Variants in CNOT6L observed in about 807,000 individuals in gnomAD.
CNOT6L encodes the protein CCR4-NOT transcription complex subunit 6-like.
A neutral mutation model predicts 64.0 loss-of-function variants in CNOT6L; 7 were observed. That is an observed-to-expected ratio of 0.11 (90% CI 0.06 to 0.21). CNOT6L has a LOEUF of 0.21. Among genes scored for constraint, CNOT6L ranks in the 10% least tolerant of loss-of-function variants. The pLI is 1.00. For missense variants in CNOT6L, 245 were observed against 669.0 expected (o/e 0.37, Z 6.99); for synonymous variants, 193 against 243.4 (o/e 0.79, Z 1.93).
chr4:77,802,031 A>G (rs1731641881), intron 1 of CNOT6L, among the ~76,000 whole-genome samples: 1 of 152,228 alleles, frequency 6.6e-6, no homozygotes, highest in African/African-American at 2.4e-5. Context: ...AAAGAAATAT[A>G]ACAGTTTATA....
chr4:77,752,440 T>G (rs1724960604), intron 5 of CNOT6L, among the ~76,000 whole-genome samples: 1 of 152,282 alleles, frequency 6.6e-6, no homozygotes, highest in African/African-American at 2.4e-5. Context: ...AGAAGAGACA[T>G]TCTTCTCAAG....
At chr4:77,819,250 G>C (rs1734017651) in intron 1 of CNOT6L, 54 bp downstream of exon 1, 2 of 1,612,944 alleles carry the variant, frequency 1.2e-6, no homozygotes, top group Non-Finnish European at 1.7e-6. Flanking sequence ...CCCCGGGGAC[G>C]CGCTCCTCTT....
chr4:77,778,487 C>T (rs1728405871), intron 1 of CNOT6L, among the ~76,000 whole-genome samples: 2 of 151,972 alleles, frequency 1.3e-5, no homozygotes, highest in South Asian at 4.2e-4. Context: ...CTCACTGCAA[C>T]CTCTGCCTCC....
intron 1 of CNOT6L, among the ~76,000 whole-genome samples, chr4:77,784,876 C>G (rs1164618335): frequency 6.6e-6 from 1 of 152,166 alleles, no homozygotes; most frequent in African/African-American, 2.4e-5. Flanking sequence ...TCCTTTTCAT[C>G]ATTCTTGGCT....
chr4:77,721,583 A>G (rs1577913919), intron 11 of CNOT6L, among the ~76,000 whole-genome samples: 1 of 152,334 alleles, frequency 6.6e-6, no homozygotes, highest in East Asian at 1.9e-4. Context: ...CTTTTAATGA[A>G]AACAAATTTT....
chr4:77,763,166 C>A (rs923629596), intron 4 of CNOT6L, among the ~76,000 whole-genome samples: 5 of 151,850 alleles, frequency 3.3e-5, no homozygotes, highest in African/African-American at 7.3e-5. Context: ...ACAGCAATAA[C>A]AAAAATACCA....
At chr4:77,726,117 A>C (rs764598455) in intron 11 of CNOT6L, 50 bp downstream of exon 11, 17 of 1,490,094 alleles carry the variant, frequency 1.1e-5, no homozygotes, top group Non-Finnish European at 1.5e-5. Context: ...TTTTTGTTAC[A>C]TGCTTGTATC....
intron 1 of CNOT6L, among the ~76,000 whole-genome samples, chr4:77,784,685 A>G (rs980674531): frequency 6.6e-6 from 1 of 151,940 alleles, no homozygotes; most frequent in Non-Finnish European, 1.5e-5. Flanking sequence ...GGGTTTCACC[A>G]TGTTGCCCAG....
chr4:77,801,629 T>C (rs747595446), intron 1 of CNOT6L, among the ~76,000 whole-genome samples: 2 of 147,576 alleles, frequency 1.4e-5, no homozygotes, highest in Non-Finnish European at 3.0e-5. Context: ...GAGGAATATT[T>C]ATTTTTCTTA....
chr4:77,730,704 T>C (rs956449855), intron 9 of CNOT6L, among the ~76,000 whole-genome samples: 1 of 151,984 alleles, frequency 6.6e-6, no homozygotes, highest in Non-Finnish European at 1.5e-5. Context: ...TCTGAATAAT[T>C]CAAATCAATA....
At position 77,781,493 on chromosome 4, in the gene CNOT6L, A is replaced by G. The variant is rs574043229; in HGVS notation, c.6-5101T>C. 1.4e-3 allele frequency among the ~76,000 whole-genome samples: 207 copies of G among 152,324 alleles called. 1 individual carries two copies. The highest frequency in any genetic ancestry group is 0.01 in the Middle Eastern group (3 of 294). The stretch of plus-strand genomic sequence containing the variant: ...AAATTTAGAGTTTCCAAAACTGCAA[A>G]TAAATCTACGTAACATGCTATTTCA... On this transcript the variant is annotated intron_variant, in intron 1 of 11. Coordinates refer to ENST00000504123, the MANE Select transcript of CNOT6L (RefSeq NM_144571.3).
Position 77,713,390 on chromosome 4 carries a change from A to C in CNOT6L, c.*7041T>G, listed in dbSNP as rs1720400381. 6.6e-6 allele frequency: 1 copy of C among 152,636 alleles called. No individual in the cohort carries two copies. The highest frequency in any genetic ancestry group is 2.1e-4 in the South Asian group (1 of 4,832). The allele number at this position is 152,636 out of a possible 1,614,324, so 9.5% of individuals were successfully genotyped here. A position where few individuals can be genotyped will look rare whatever the true frequency, so the allele number is the denominator to read the frequency against. ...GTCAAAAACCAAGACAAAGGTATGCAGTTGCAAAATGGCCATTTATTGCCT... is the reference window on the plus strand; with the variant it reads ...GTCAAAAACCAAGACAAAGGTATGCCGTTGCAAAATGGCCATTTATTGCCT... On this transcript the variant is annotated 3_prime_UTR_variant, in exon 12 of 12. Transcript: ENST00000504123.
chr4:77,732,669 C>A (rs1015106837), intron 8 of CNOT6L, among the ~76,000 whole-genome samples: 1 of 152,002 alleles, frequency 6.6e-6, no homozygotes, highest in African/African-American at 2.4e-5. Context: ...ATAGTTTCTA[C>A]CCTCTAAAGA....
At chr4:77,794,150 CAAA>C (rs10649868) in intron 1 of CNOT6L, among the ~76,000 whole-genome samples, 1 of 52,024 alleles carries the variant, frequency 1.9e-5, no homozygotes, top group Non-Finnish European at 2.9e-5. Flanking sequence ...GACTCTGTCT[CAAA>C]AAAAAAAAAA....
At chr4:77,775,670 C>T (rs1394883491) in intron 2 of CNOT6L, among the ~76,000 whole-genome samples, 1 of 152,122 alleles carries the variant, frequency 6.6e-6, no homozygotes, top group Non-Finnish European at 1.5e-5. Flanking sequence ...CATTTAGTTA[C>T]CTCTCCTCAG....
chr4:77,717,443 AAC>A lies in CNOT6L; in HGVS notation c.*2986_*2987del, dbSNP rs989113663. On this transcript the variant is annotated 3_prime_UTR_variant, in exon 12 of 12. Transcript: ENST00000504123. ...TTAGACAAATATCGAAATAATATTT[AAC>A]AGTTTTAAAAAAACATGTATCACAT... The A allele has an allele frequency of 2.0e-5, 3 of 152,678 alleles. No individual in the cohort carries two copies. Among genetic ancestry groups the A allele is most frequent in the South Asian group, 2.1e-4 (1 of 4,828 alleles). 9.5% of individuals were successfully genotyped at this position (152,678 alleles called of 1,614,324 possible). A position where few individuals can be genotyped will look rare whatever the true frequency, so the allele number is the denominator to read the frequency against.
intron 4 of CNOT6L, 36 bp downstream of exon 4, chr4:77,773,045 C>A (rs753852345): frequency 7.2e-7 from 1 of 1,397,688 alleles, no homozygotes; most frequent in Admixed American, 2.1e-5. Context: ...CTTTAAAAGG[C>A]TCAGAATACC....
At chr4:77,796,792 C>T (rs1730897213) in intron 1 of CNOT6L, among the ~76,000 whole-genome samples, 1 of 151,962 alleles carries the variant, frequency 6.6e-6, no homozygotes, top group Admixed American at 6.6e-5. Flanking sequence ...AACAAAACTG[C>T]CAAGGACGCC....
chr4:77,717,911 T>C lies in CNOT6L; in HGVS notation c.*2520A>G, dbSNP rs991374628. On this transcript the variant is annotated 3_prime_UTR_variant, in exon 12 of 12. Coordinates refer to ENST00000504123, the MANE Select transcript of CNOT6L (RefSeq NM_144571.3). ...ACATTTACTAAAACCACATTAAAAATACACAGGATAATGAATGGTTTGAAA... is the reference window on the plus strand; with the variant it reads ...ACATTTACTAAAACCACATTAAAAACACACAGGATAATGAATGGTTTGAAA... 2 of 152,444 alleles carry C rather than the reference T, an allele frequency of 1.3e-5. No homozygotes were observed. The highest frequency in any genetic ancestry group is 6.6e-5 in the Admixed American group (1 of 15,230). 9.4% of individuals were successfully genotyped at this position (152,444 alleles called of 1,614,324 possible).
Sources: allele counts gnomAD v4.1 joint callset (sites outside exome capture counted in the v4.1 genomes callset), GRCh38; gene constraint gnomAD v4.1.1; transcripts MANE v1.5; gene names NCBI Gene and HGNC (gene_info 2026-07-23, HGNC 2026-07-21).